The following MEF2A variants were observed in gnomAD, a reference collection of about 807,000 sequenced individuals.
The protein encoded by MEF2A is myocyte-specific enhancer factor 2A.
A neutral mutation model predicts 55.8 loss-of-function variants in MEF2A; 28 were observed. The observed-to-expected ratio is 0.50, with a 90% CI of 0.37 to 0.69. The LOEUF (loss-of-function observed/expected upper bound fraction) is 0.69, where lower values mean the gene tolerates loss of function less well. MEF2A is among the 30% of genes least tolerant of loss of function. MEF2A has a pLI of 0.00. For synonymous variants in MEF2A, 239 were observed against 227.1 expected, an observed-to-expected ratio of 1.05 and a Z score of -0.47; for missense variants, 528 against 626.2, an observed-to-expected ratio of 0.84 and a Z score of 1.67.
At chr15:99,688,883 A>C (rs2054822593) in intron 7 of MEF2A, among the ~76,000 whole-genome samples, 1 of 152,208 alleles carries the variant, frequency 6.6e-6, no homozygotes, top group South Asian at 2.1e-4. Context: ...TACCACATCC[A>C]GTCACTGTGG....
intron 1 of MEF2A, among the ~76,000 whole-genome samples, chr15:99,577,271 G>A (rs1171697695): frequency 6.6e-6 from 1 of 152,128 alleles, no homozygotes; most frequent in African/African-American, 2.4e-5. Flanking sequence ...TAACTATTGT[G>A]TTACTTTGGC....
intron 9 of MEF2A, among the ~76,000 whole-genome samples, chr15:99,705,209 G>GA (rs2057889834): frequency 6.6e-6 from 1 of 152,226 alleles, no homozygotes. Context: ...GATTCCTTTA[G>GA]AAGCCGAGCA....
chr15:99,629,609 C>G (rs973451641), intron 2 of MEF2A, among the ~76,000 whole-genome samples: 1 of 152,086 alleles, frequency 6.6e-6, no homozygotes, highest in Non-Finnish European at 1.5e-5. Flanking sequence ...ACTGATAACG[C>G]CTGGTACTGT....
At chr15:99,685,091 A>G (rs906918628) in intron 7 of MEF2A, among the ~76,000 whole-genome samples, 2 of 152,098 alleles carry the variant, frequency 1.3e-5, no homozygotes, top group African/African-American at 4.8e-5. Flanking sequence ...TCTGGTAACT[A>G]TAGTCTTGTA....
At chr15:99,578,596 T>C (rs1409885067) in intron 1 of MEF2A, among the ~76,000 whole-genome samples, 1 of 152,206 alleles carries the variant, frequency 6.6e-6, no homozygotes, top group Non-Finnish European at 1.5e-5. Context: ...TCATTGCTAC[T>C]GGGGAGTCTT....
chr15:99,674,610 C>T lies in MEF2A; in HGVS notation c.608C>T (p.Ala203Val). ...APQRPPSTGN[A>V]GGMLSTTDLT... is the part of the protein sequence containing the mutation. Reference sequence around the variant, plus strand: ...CAGAGACCACCAAGTACTGGCAATGCAGGTATGTAGTGATACCTATTATGC... The same window carrying T: ...CAGAGACCACCAAGTACTGGCAATGTAGGTATGTAGTGATACCTATTATGC... Residue 203 changes from alanine to valine, a missense_variant and splice_region_variant, in exon 6 of 12, where the codon GCA (alanine) becomes GTA (valine). Physicochemically the swap from Ala to Val is moderately conservative, Grantham distance 64. Around this residue, in one of 2 missense-constraint regions of MEF2A, gnomAD observed 450 missense variants for 475.3 expected, o/e 0.95. Coordinates refer to ENST00000557942, the MANE Select transcript of MEF2A (RefSeq NM_001319206.4). 6.2e-7 allele frequency: 1 copy of T among 1,611,180 alleles called. No individual in the cohort carries two copies. The highest frequency in any genetic ancestry group is 2.2e-5 in the East Asian group (1 of 44,876).
At chr15:99,710,483 T>A (rs758325145) in intron 10 of MEF2A, 151 bp from the exon 11 acceptor site, 4 of 815,602 alleles carry the variant, frequency 4.9e-6, no homozygotes, top group Non-Finnish European at 7.4e-6. Flanking sequence ...CCTCAAGTGA[T>A]CCGCCCATCT....
rs113470119 is a variant in MEF2A, at chr15:99,716,470, C to T, written c.*3699C>T. The stretch of plus-strand genomic sequence containing the variant: ...TCTCCCGCACTCACTCCAGTAAAGA[C>T]GGACTGGCTCTTCCTGTGCGTCGAG... On this transcript the variant is annotated 3_prime_UTR_variant, in exon 12 of 12. Coordinates refer to ENST00000557942, the MANE Select transcript of MEF2A (RefSeq NM_001319206.4). 798 of 456,838 alleles carry T rather than the reference C, an allele frequency of 1.7e-3. 4 individuals carry two copies. Among genetic ancestry groups the T allele is most frequent in the African/African-American group, 0.013 (655 of 50,228 alleles). 28.3% of individuals were successfully genotyped at this position (456,838 alleles called of 1,614,324 possible). A position where few individuals can be genotyped will look rare whatever the true frequency, so the allele number is the denominator to read the frequency against.
At chr15:99,599,274 G>A (rs1331340599) in intron 2 of MEF2A, among the ~76,000 whole-genome samples, 1 of 152,088 alleles carries the variant, frequency 6.6e-6, no homozygotes, top group African/African-American at 2.4e-5. Context: ...TTTGAAAAAT[G>A]TTAGGGGATA....
At chr15:99,649,196 A>G (rs1596789270) in intron 4 of MEF2A, among the ~76,000 whole-genome samples, 1 of 152,172 alleles carries the variant, frequency 6.6e-6, no homozygotes, top group African/African-American at 2.4e-5. Flanking sequence ...GGTATTTTAA[A>G]TTAAGGTCTG....
intron 9 of MEF2A, among the ~76,000 whole-genome samples, chr15:99,706,130 C>G (rs2058015765): frequency 6.6e-6 from 1 of 152,188 alleles, no homozygotes; most frequent in African/African-American, 2.4e-5. Flanking sequence ...ATTCAAAATT[C>G]TCTACTCAAA....
chr15:99,710,068 A>G (rs2058458344), intron 10 of MEF2A, among the ~76,000 whole-genome samples: 1 of 152,162 alleles, frequency 6.6e-6, no homozygotes, highest in South Asian at 2.1e-4. Flanking sequence ...TGGCAGGCAT[A>G]TTTAAAGTAA....
chr15:99,571,831 T>C (rs922666454), intron 1 of MEF2A, among the ~76,000 whole-genome samples: 2 of 152,200 alleles, frequency 1.3e-5, no homozygotes, highest in Admixed American at 1.3e-4. Context: ...TTCTTGATTC[T>C]TTCCATTTCT....
At chr15:99,653,715 G>C (rs2047228349) in intron 4 of MEF2A, among the ~76,000 whole-genome samples, 1 of 152,210 alleles carries the variant, frequency 6.6e-6, no homozygotes, top group Non-Finnish European at 1.5e-5. Context: ...TAAAATGTTA[G>C]TGATTTTTAA....
In MEF2A at chr15:99,698,187, G is replaced by A. The variant is rs143588746; in HGVS notation, c.859-5175G>A. ...TAAAGAAAAAACTGATGTATTGGAG[G>A]TTGAACTTAAGTTTTGCTCTGTGAA... On this transcript the variant is annotated intron_variant, in intron 8 of 11. Transcript: ENST00000557942. 1.7e-3 allele frequency among the ~76,000 whole-genome samples: 253 copies of A among 152,276 alleles called. 3 individuals carry two copies. The East Asian group carries it at 0.034, about 20-fold the overall frequency.
In MEF2A at chr15:99,702,088, TAGAC is replaced by T. The variant is rs951405303; in HGVS notation, c.859-1271_859-1268del. On this transcript the variant is annotated intron_variant, in intron 8 of 11. Transcript: ENST00000557942. ...TTTTACACATACACAGCTATAATGT[TAGAC>T]AGTATATTTTGGTGTGTACCTTGTG... Among the ~76,000 whole-genome samples, 27 of 152,260 alleles carry T rather than the reference TAGAC, an allele frequency of 1.8e-4. No individual in the cohort carries two copies. The East Asian group carries it at 1.9e-3, about 11-fold the overall frequency.
intron 2 of MEF2A, among the ~76,000 whole-genome samples, chr15:99,605,846 T>G (rs1596427919): frequency 6.6e-6 from 1 of 152,086 alleles, no homozygotes; most frequent in Non-Finnish European, 1.5e-5. Flanking sequence ...GACGCATGCC[T>G]GTAGTCGCAG....
At chr15:99,616,841 T>C (rs893664476) in intron 2 of MEF2A, among the ~76,000 whole-genome samples, 1 of 152,172 alleles carries the variant, frequency 6.6e-6, no homozygotes, top group Admixed American at 6.5e-5. Context: ...GGGCTTGTTA[T>C]TACAGTAAGA....
At chr15:99,653,943 T>A (rs2047261763) in intron 4 of MEF2A, among the ~76,000 whole-genome samples, 1 of 152,160 alleles carries the variant, frequency 6.6e-6, no homozygotes, top group South Asian at 2.1e-4. Flanking sequence ...TAAAAATGTT[T>A]ATGCTCTGAA....
Sources: gnomAD v4.1 joint callset for allele counts (sites outside exome capture counted in the v4.1 genomes callset) on GRCh38, gnomAD v4.1.1 for gene constraint, gnomAD v4.1.1 regional missense constraint, MANE v1.5 for transcripts, NCBI Gene and HGNC (gene_info 2026-07-23, HGNC 2026-07-21) for gene names.